Variants in FBXO3 observed in about 807,000 individuals in gnomAD.
FBXO3 encodes F-box protein 3.
In FBXO3, 17 loss-of-function variants were observed where a neutral mutation model predicts 64.8. That is an observed-to-expected ratio of 0.26 (90% CI 0.18 to 0.39). The LOEUF is 0.39. Ranked by LOEUF, FBXO3 falls within the 10% of genes least tolerant of loss-of-function variation. FBXO3 has a pLI of 1.00. For missense variants in FBXO3, 420 were observed against 589.9 expected (o/e 0.71, Z 2.98); for synonymous variants, 182 against 201.6 (o/e 0.90, Z 0.82).
Position 33,755,709 on chromosome 11 carries a change from A to C in FBXO3, c.678+62T>G. 3 of 1,202,784 alleles carry C rather than the reference A, an allele frequency of 2.5e-6. No homozygotes were observed. The Admixed American group carries it at 5.1e-5, about 20-fold the overall frequency. The allele number at this position is 1,202,784 out of a possible 1,614,324, so 74.5% of individuals were successfully genotyped here. A position where few individuals can be genotyped will look rare whatever the true frequency, so the allele number is the denominator to read the frequency against. On this transcript the variant is annotated intron_variant, in intron 5 of 10. Coordinates refer to ENST00000265651, the MANE Select transcript of FBXO3 (RefSeq NM_012175.4). ...CTACAATCCTGAAAATACCTAATGC[A>C]TGCATTTATACAACCATCAGAACAC...
chr11:33,742,031 C>G lies in FBXO3; in HGVS notation c.1293G>C (p.Glu431Asp), dbSNP rs1186211835. Residue 431 changes from glutamate (E) to aspartate (D), a missense_variant, in exon 11 of 11, where the codon GAG becomes GAC. Coordinates refer to ENST00000265651, the MANE Select transcript of FBXO3 (RefSeq NM_012175.4). ...CTGAATCATCATCCTCGTCTTCCTC[C>G]TCTTCCTCCTCCTCCTCTTCTTCCA... ...EEMEEEEEEE[E>D]EEDEDDDSAD... is the part of the protein sequence containing the mutation. 4.4e-6 allele frequency: 7 copies of G among 1,607,008 alleles called. No individual in the cohort carries two copies. The highest frequency in any genetic ancestry group is 5.1e-6 in the Non-Finnish European group (6 of 1,174,548).
chr11:33,763,367 G>C, intron 3 of FBXO3: 2 of 397,094 alleles, frequency 5.0e-6, no homozygotes, highest in Admixed American at 5.5e-5. Context: ...TAAAATACTA[G>C]CAGATTATAT....
intron 3 of FBXO3, among the ~76,000 whole-genome samples, chr11:33,760,061 C>T (rs1176677876): frequency 6.6e-6 from 1 of 152,090 alleles, no homozygotes; most frequent in Non-Finnish European, 1.5e-5. Context: ...GTCTATGATA[C>T]GTGCACTAGA....
Position 33,761,032 on chromosome 11 carries a change from G to A in FBXO3, c.359-2431C>T, listed in dbSNP as rs575372457. 1.4e-3 allele frequency among the ~76,000 whole-genome samples: 214 copies of A among 152,274 alleles called. 2 individuals carry two copies. The highest frequency in any genetic ancestry group is 4.8e-3 in the African/African-American group (198 of 41,570). ...AAAAGGCAGGTAGGAGGTGATTGGA[G>A]TTAAAGCATTCTAAAGTTCTTTCAT... is the stretch of plus-strand genomic sequence containing the variant. On this transcript the variant is annotated intron_variant, in intron 3 of 10. Coordinates refer to ENST00000265651, the MANE Select transcript of FBXO3 (RefSeq NM_012175.4).
intron 10 of FBXO3, chr11:33,744,539 C>G (rs1241664824): frequency 6.6e-6 from 1 of 152,112 alleles, no homozygotes; most frequent in Non-Finnish European, 1.5e-5. Context: ...AAAAGCAGAA[C>G]AATTCTCCAT....
At chr11:33,750,194 T>G (rs906204497) in intron 8 of FBXO3, among the ~76,000 whole-genome samples, 3 of 152,294 alleles carry the variant, frequency 2.0e-5, no homozygotes, top group African/African-American at 7.2e-5. Context: ...ATAGGCCAGA[T>G]GAAATTTAAA....
intron 8 of FBXO3, 24 bp from the exon 9 acceptor site, chr11:33,748,916 G>C (rs1209932258): frequency 6.6e-7 from 1 of 1,513,922 alleles, no homozygotes; most frequent in Non-Finnish European, 9.2e-7. Flanking sequence ...TGGGGTGGTA[G>C]AGACAAAAAT....
rs1286707023 is a variant in FBXO3 at position 33,743,218 on chromosome 11, A to G, written c.1240-1134T>C. On this transcript the variant is annotated intron_variant, in intron 10 of 10. Transcript: ENST00000265651. The surrounding 1 kb of genome is among the most constrained non-coding windows in gnomAD (Gnocchi z 4.6). ...CACAGTGTCACTTTGCCGATTCGTT[A>G]TAAGTATATATCTAAGATCAACCCA... is the stretch of plus-strand genomic sequence containing the variant. 3 of 152,252 alleles carry G rather than the reference A, an allele frequency of 2.0e-5. No individual in the cohort carries two copies. The highest frequency in any genetic ancestry group is 7.2e-5 in the African/African-American group (3 of 41,452). 9.4% of individuals were successfully genotyped at this position (152,252 alleles called of 1,614,324 possible).
At chr11:33,761,509 G>A (rs988629469) in intron 3 of FBXO3, among the ~76,000 whole-genome samples, 1 of 152,184 alleles carries the variant, frequency 6.6e-6, no homozygotes, top group African/African-American at 2.4e-5. Context: ...CTAATTTTAT[G>A]TACCTAATAA....
rs148912858 is a variant in FBXO3, at chr11:33,768,154, A to G, written c.358+697T>C. Among the ~76,000 whole-genome samples the G allele has an allele frequency of 3.8e-4, 58 of 152,302 alleles. No homozygotes were observed. In the East Asian group the frequency reaches 0.011, roughly 28 times the overall value. On this transcript the variant is annotated intron_variant, in intron 3 of 10. Transcript: ENST00000265651. Reference sequence around the variant, plus strand: ...CTATACAATGCCTTTCAGTGTAGAAATCTGAAAAAAACTTGGAGGGTAAAG... The same window carrying G: ...CTATACAATGCCTTTCAGTGTAGAAGTCTGAAAAAAACTTGGAGGGTAAAG...
intron 3 of FBXO3, among the ~76,000 whole-genome samples, chr11:33,764,146 A>G (rs1032357796): frequency 3.0e-4 from 46 of 152,224 alleles, no homozygotes; most frequent in African/African-American, 1.1e-3. Flanking sequence ...CAGTAGAAGG[A>G]ATAGTCTACT....
At chr11:33,774,275 C>G in intron 1 of FBXO3, 119 bp downstream of exon 1, 2 of 875,836 alleles carry the variant, frequency 2.3e-6, no homozygotes, top group Admixed American at 2.4e-5. Flanking sequence ...GCGGCCCTGG[C>G]GTCACCTTCT....
chr11:33,765,415 A>G, intron 3 of FBXO3, among the ~76,000 whole-genome samples: 1 of 152,248 alleles, frequency 6.6e-6, no homozygotes, highest in Non-Finnish European at 1.5e-5. Context: ...CATGTTAGAC[A>G]CTTAACATGT....
At chr11:33,756,981 G>A (rs527363055) in intron 4 of FBXO3, 26 of 518,350 alleles carry the variant, frequency 5.0e-5, no homozygotes, top group South Asian at 1.1e-4. Flanking sequence ...GTCCTCCTGC[G>A]TTGGCATCCC....
At chr11:33,760,821 A>G (rs1855224131) in intron 3 of FBXO3, among the ~76,000 whole-genome samples, 1 of 152,234 alleles carries the variant, frequency 6.6e-6, no homozygotes, top group Non-Finnish European at 1.5e-5. Flanking sequence ...AAGAAATACC[A>G]AAAGGAATTC....
intron 3 of FBXO3, among the ~76,000 whole-genome samples, chr11:33,764,763 C>G (rs779273782): frequency 2.6e-5 from 4 of 152,104 alleles, no homozygotes; most frequent in Non-Finnish European, 5.9e-5. Context: ...CACTTGTGGT[C>G]AAGAGTTCAA....
At chr11:33,754,341 C>T (rs1855036616) in intron 6 of FBXO3, 114 bp downstream of exon 6, 2 of 775,714 alleles carry the variant, frequency 2.6e-6, no homozygotes, top group Non-Finnish European at 4.1e-6. Context: ...TTAAAGAAAT[C>T]CAAGTATGAA....
intron 3 of FBXO3, among the ~76,000 whole-genome samples, chr11:33,761,098 T>C (rs1256091886): frequency 2.0e-5 from 3 of 152,062 alleles, no homozygotes. Context: ...CATTAGACTT[T>C]AAAAAGTCAA....
At chr11:33,757,783 C>T (rs945113193) in intron 4 of FBXO3, among the ~76,000 whole-genome samples, 8 of 149,964 alleles carry the variant, frequency 5.3e-5, no homozygotes, top group African/African-American at 2.0e-4. Flanking sequence ...ATGACAAGAC[C>T]CCATCTCTAC....
Sources: gnomAD v4.1 joint callset for allele counts (sites outside exome capture counted in the v4.1 genomes callset) on GRCh38, gnomAD v4.1.1 for gene constraint, Gnocchi (gnomAD v3.1) non-coding constraint, MANE v1.5 for transcripts, NCBI Gene and HGNC (gene_info 2026-07-23, HGNC 2026-07-21) for gene names.